MYSM1: variants seen among roughly 807,000 people sequenced by gnomAD.
The protein encoded by MYSM1 is Myb like, SWIRM and MPN domains 1, also known as deubiquitinase MYSM1.
In MYSM1, 51 loss-of-function variants were observed where a neutral mutation model predicts 116.0. That is an observed-to-expected ratio of 0.44 (90% confidence interval 0.35 to 0.56). The LOEUF is 0.56. MYSM1 is among the 20% of genes least tolerant of loss of function. The pLI is 0.00. For missense variants in MYSM1, 900 were observed against 974.9 expected (o/e 0.92, Z 1.02); for synonymous variants, 313 against 315.2 (o/e 0.99, Z 0.07).
At position 58,668,475 on chromosome 1, in the gene MYSM1, T is replaced by C. The variant is rs17118066; in HGVS notation, c.1767+157A>G. The stretch of plus-strand genomic sequence containing the variant: ...ATATGGAAACATGCAATTGTTTGGC[T>C]TTTCTCCAAAAGAAAAGACTTATTT... On this transcript the variant is annotated intron_variant, in intron 14 of 19. Coordinates refer to ENST00000472487, the MANE Select transcript of MYSM1 (RefSeq NM_001085487.3). 7.1e-4 allele frequency: 970 copies of C among 1,360,106 alleles called. 16 individuals are homozygous for C. In the East Asian group the frequency reaches 0.026, roughly 36 times the overall value. 84.3% of individuals were successfully genotyped at this position (1,360,106 alleles called of 1,614,324 possible).
chr1:58,696,359 T>C (rs972090989), intron 1 of MYSM1, among the ~76,000 whole-genome samples: 2 of 152,202 alleles, frequency 1.3e-5, no homozygotes, highest in Non-Finnish European at 2.9e-5. Flanking sequence ...GATCTCTACC[T>C]GAATCTCCAT....
At chr1:58,668,019 C>A in intron 14 of MYSM1, 98 bp from the exon 15 acceptor site, 1 of 840,646 alleles carries the variant, frequency 1.2e-6, no homozygotes, top group Admixed American at 1.8e-5. Context: ...GTAAGTATAG[C>A]CATCATGCTT....
chr1:58,682,261 T>C lies in MYSM1; in HGVS notation c.783A>G (p.Glu261=), dbSNP rs776473883. Residue 261 remains glutamate (E), a synonymous_variant, in exon 8 of 20, where the codon GAA becomes GAG. Transcript: ENST00000472487. ...NSKMHETNQG[E]FITSDSQEAL... is the part of the protein sequence containing the mutation. ...CTTCCTGGCTGTCAGAAGTAATGAA[T>C]TCTCCTTGATTGGTTTCATGCATTT... 3.1e-6 allele frequency: 5 copies of C among 1,611,500 alleles called. No individual in the cohort carries two copies. The African/African-American group carries it at 5.3e-5, about 17-fold the overall frequency.
chr1:58,681,769 T>G lies in MYSM1; in HGVS notation c.1259+16A>C, dbSNP rs1248121214. 1 of 1,561,102 alleles carries G rather than the reference T, an allele frequency of 6.4e-7. No homozygotes were observed. The highest frequency in any genetic ancestry group is 1.2e-5 in the South Asian group (1 of 80,784). Reference sequence around the variant, plus strand: ...TCACGTTTTAAAACAACATCTATAATGTAATTCTTTCTTACCATTGATCCA... The same window carrying G: ...TCACGTTTTAAAACAACATCTATAAGGTAATTCTTTCTTACCATTGATCCA... On this transcript the variant is annotated intron_variant, in intron 8 of 19. Coordinates refer to ENST00000472487, the MANE Select transcript of MYSM1 (RefSeq NM_001085487.3).
At chr1:58,669,752 C>A (rs1644527660) in intron 12 of MYSM1, among the ~76,000 whole-genome samples, 2 of 140,964 alleles carry the variant, frequency 1.4e-5, no homozygotes, top group African/African-American at 5.3e-5. Flanking sequence ...CACTTAAGCC[C>A]AGGAGGTGGA....
chr1:58,658,620 A>G lies in MYSM1; in HGVS notation c.*1377T>C, dbSNP rs1644348526. 1 of 152,196 alleles carries G rather than the reference A, an allele frequency of 6.6e-6. No homozygotes were observed. Among genetic ancestry groups the G allele is most frequent in the African/African-American group, 2.4e-5 (1 of 41,450 alleles). The allele number at this position is 152,196 out of a possible 1,614,324, so 9.4% of individuals were successfully genotyped here. Reference sequence around the variant, plus strand: ...ATTGATTACAAACAAAGCAAAATATAGAATCAATCTGATTTAGATATAAGG... The same window carrying G: ...ATTGATTACAAACAAAGCAAAATATGGAATCAATCTGATTTAGATATAAGG... On this transcript the variant is annotated 3_prime_UTR_variant, in exon 20 of 20. Transcript: ENST00000472487.
intron 9 of MYSM1, 36 bp downstream of exon 9, chr1:58,676,890 G>A (rs1208124472): frequency 1.3e-6 from 2 of 1,599,898 alleles, no homozygotes; most frequent in Non-Finnish European, 1.7e-6. Flanking sequence ...GATAAAAAAT[G>A]TCGAGTAAAA....
Position 58,661,397 on chromosome 1 carries a change from A to G in MYSM1, c.2270+9T>C. On this transcript the variant is annotated intron_variant, in intron 18 of 19. Coordinates refer to ENST00000472487, the MANE Select transcript of MYSM1 (RefSeq NM_001085487.3). ...CAGATGTGCAACCATCTCAAACCAC[A>G]GTACATACCTATGGGAGAGCCTGTA... 1 of 1,497,302 alleles carries G rather than the reference A, an allele frequency of 6.7e-7. No individual in the cohort carries two copies. The highest frequency in any genetic ancestry group is 1.1e-5 in the South Asian group (1 of 88,212). 92.8% of individuals were successfully genotyped at this position (1,497,302 alleles called of 1,614,324 possible).
intron 19 of MYSM1, 60 bp from the exon 20 acceptor site, chr1:58,660,215 T>A (rs1644371001): frequency 8.9e-7 from 1 of 1,126,100 alleles, no homozygotes; most frequent in African/African-American, 1.6e-5. Context: ...TTTGCATTAC[T>A]ATCACTATTT....
rs57822474 is a variant in MYSM1, at chr1:58,668,935, C to CA, written c.1716+48_1716+49insT. The stretch of plus-strand genomic sequence containing the variant: ...AAAAGAGTAAGCATTTCCTGTTTGA[C>CA]GGGGAAGCGGGGATTGTCTACTGTC... On this transcript the variant is annotated intron_variant, in intron 13 of 19. Transcript: ENST00000472487. 9,370 of 1,415,502 alleles carry CA rather than the reference C, an allele frequency of 6.6e-3. 49 individuals carry two copies. The highest frequency in any genetic ancestry group is 7.6e-3 in the Non-Finnish European group (7,743 of 1,018,270). 87.7% of individuals were successfully genotyped at this position (1,415,502 alleles called of 1,614,324 possible).
chr1:58,690,936 A>AAC (rs1644896334), intron 3 of MYSM1, among the ~76,000 whole-genome samples: 1 of 152,206 alleles, frequency 6.6e-6, no homozygotes, highest in African/African-American at 2.4e-5. Flanking sequence ...AAAAATTGCA[A>AAC]ACATTTAGAT....
chr1:58,687,908 G>A (rs1644850563), intron 6 of MYSM1, among the ~76,000 whole-genome samples: 1 of 152,118 alleles, frequency 6.6e-6, no homozygotes, highest in Non-Finnish European at 1.5e-5. Flanking sequence ...CATAAAGCCT[G>A]CATTTGCTGC....
At position 58,660,153 on chromosome 1, in the gene MYSM1, A is replaced by C; in HGVS notation, c.2331T>G (p.Leu777=). The C allele has an allele frequency of 6.5e-7, 1 of 1,538,784 alleles. No individual in the cohort carries two copies. Among genetic ancestry groups the C allele is most frequent in the Non-Finnish European group, 8.7e-7 (1 of 1,145,140 alleles). The change falls in exon 20 of 20, where the codon CTT becomes CTG. Residue 777 remains leucine, a splice_region_variant and synonymous_variant. Transcript: ENST00000472487. ...TCAGAGTCTTCCTCATACACTCCAAAAGCTAGTTGAAAAGAAAAGTTTTAT... is the reference window on the plus strand; with the variant it reads ...TCAGAGTCTTCCTCATACACTCCAACAGCTAGTTGAAAAGAAAAGTTTTAT... The part of the protein sequence containing the change: ...RDSDLTCLQK[L]LECMRKTLSK...
chr1:58,698,102 A>ATATATATATATATATATATATATATATTT, intron 1 of MYSM1, among the ~76,000 whole-genome samples: 2 of 7,776 alleles, frequency 2.6e-4, no homozygotes, highest in African/African-American at 5.1e-4. Context: ...ATATATATAT[A>ATATATATATATATATATATATATATATTT]TTTTTTTTTT....
In MYSM1 at chr1:58,667,121, TG is replaced by T; in HGVS notation, c.1947del (p.Phe649LeufsTer42). The part of the protein sequence containing the change: ...QASETLAVRG[F>X]SVIGWYHSHP... ...TGAGAATGATACCATCCAATAACAC[TG>T]AAGCCTCTAACAGCCAAGGTTTCTG... On this transcript the variant is annotated frameshift_variant, in exon 16 of 20. Coordinates refer to ENST00000472487, the MANE Select transcript of MYSM1 (RefSeq NM_001085487.3). LOFTEE classifies it high-confidence loss of function. 1 of 1,613,610 alleles carries T rather than the reference TG, an allele frequency of 6.2e-7. No individual in the cohort carries two copies. The highest frequency in any genetic ancestry group is 1.1e-5 in the South Asian group (1 of 91,038).
chr1:58,671,911 G>C lies in MYSM1; in HGVS notation c.1620C>G (p.Gly540=). The C allele has an allele frequency of 6.2e-7, 1 of 1,613,404 alleles. No homozygotes were observed. Among genetic ancestry groups the C allele is most frequent in the Non-Finnish European group, 8.5e-7 (1 of 1,179,668 alleles). Residue 540 remains glycine, a synonymous_variant, in exon 12 of 20, where the codon GGC becomes GGG. Coordinates refer to ENST00000472487, the MANE Select transcript of MYSM1 (RefSeq NM_001085487.3). The stretch of plus-strand genomic sequence containing the variant: ...GCACTTTTAAAGATTTAACAGGTCT[G>C]CCTTTTTCCTCTTCTCTTCTTTTTG... ...ELAKRREEEK[G]RPVKSLKVPR...
intron 2 of MYSM1, 138 bp downstream of exon 2, chr1:58,694,991 T>G (rs1257376494): frequency 4.7e-6 from 2 of 426,690 alleles, no homozygotes; most frequent in Non-Finnish European, 8.2e-6. Context: ...TAAAAAAAAA[T>G]TCTAAATTTC....
intron 2 of MYSM1, among the ~76,000 whole-genome samples, chr1:58,694,536 A>T (rs1459285102): frequency 6.6e-6 from 1 of 151,954 alleles, no homozygotes; most frequent in African/African-American, 2.4e-5. Flanking sequence ...CAGGAGAATC[A>T]CTTGAATGTG....
rs1398413983 is a variant in MYSM1, at chr1:58,655,534, G to A, written c.*4463C>T. 1 of 152,012 alleles carries A rather than the reference G, an allele frequency of 6.6e-6. No homozygotes were observed. Among genetic ancestry groups the A allele is most frequent in the Non-Finnish European group, 1.5e-5 (1 of 67,998 alleles). 9.4% of individuals were successfully genotyped at this position (152,012 alleles called of 1,614,324 possible). On this transcript the variant is annotated 3_prime_UTR_variant, in exon 20 of 20. Coordinates refer to ENST00000472487, the MANE Select transcript of MYSM1 (RefSeq NM_001085487.3). The stretch of plus-strand genomic sequence containing the variant: ...CTCCCTTGTTCCAGGAAAAATGTAA[G>A]GTGGCTTAGAAGATAGACTCAGAAT...
Sources: gnomAD v4.1 joint callset for allele counts (sites outside exome capture counted in the v4.1 genomes callset) on GRCh38, gnomAD v4.1.1 for gene constraint, MANE v1.5 for transcripts, NCBI Gene and HGNC (gene_info 2026-07-23, HGNC 2026-07-21) for gene names.